The following URB2 variants were observed in gnomAD, a reference collection of about 807,000 sequenced individuals.
URB2 encodes unhealthy ribosome biogenesis protein 2 homolog.
A neutral mutation model predicts 120.9 loss-of-function variants in URB2; 86 were observed. The ratio of observed to expected loss-of-function variants is 0.71; its 90% CI spans 0.60 to 0.85. URB2 has a LOEUF of 0.85. Ranked by LOEUF, URB2 falls within the 40% of genes least tolerant of loss-of-function variation. The pLI is 0.00. For synonymous variants in URB2, 755 were observed against 758.4 expected (o/e 1.00, Z 0.07); for missense variants, 1,765 against 1,836.5 (o/e 0.96, Z 0.71).
At chr1:229,628,698 C>G (rs540770984) in intron 2 of URB2, among the ~76,000 whole-genome samples, 3 of 152,110 alleles carry the variant, frequency 2.0e-5, no homozygotes, top group Non-Finnish European at 4.4e-5. Flanking sequence ...TAGAAATGGG[C>G]TAGGTACCAA....
intron 4 of URB2, among the ~76,000 whole-genome samples, chr1:229,639,220 A>C (rs1280187083): frequency 6.6e-6 from 1 of 152,094 alleles, no homozygotes; most frequent in Non-Finnish European, 1.5e-5. Context: ...ACCTGAGCCC[A>C]GGGAGGTCGG....
At position 229,654,468 on chromosome 1, in the gene URB2, G is replaced by A. The variant is rs946203705; in HGVS notation, c.4377+80G>A. 2.3e-5 allele frequency: 36 copies of A among 1,587,040 alleles called. 1 individual carries two copies. In the Admixed American group the frequency reaches 5.4e-4, roughly 24 times the overall value. On this transcript the variant is annotated intron_variant, in intron 9 of 9. Coordinates refer to ENST00000258243, the MANE Select transcript of URB2 (RefSeq NM_014777.4). ...GGGTTTCTCAACCAAAATGGCAAGC[G>A]GTGTTCTGGATCTGACAGTTCTCTG...
rs1666187826 is a variant in URB2 at position 229,647,766 on chromosome 1, TGA to T, written c.4149+18_4149+19del. Reference sequence around the variant, plus strand: ...TGTCACCCTAAGGTGAGAAGGAGGGTGAGAGTGGCAGGCAGCTTTTCCTCTGC... The same window carrying T: ...TGTCACCCTAAGGTGAGAAGGAGGGTGAGTGGCAGGCAGCTTTTCCTCTGC... On this transcript the variant is annotated intron_variant, in intron 7 of 9. Coordinates refer to ENST00000258243, the MANE Select transcript of URB2 (RefSeq NM_014777.4). 2 of 1,606,308 alleles carry T rather than the reference TGA, an allele frequency of 1.2e-6. No homozygotes were observed. Among genetic ancestry groups the T allele is most frequent in the Non-Finnish European group, 1.7e-6 (2 of 1,174,176 alleles).
At chr1:229,630,982 CAAAAAA>C (rs57940336) in intron 2 of URB2, among the ~76,000 whole-genome samples, 5 of 65,106 alleles carry the variant, frequency 7.7e-5, no homozygotes, top group South Asian at 7.2e-4. Context: ...AACTCCGTCT[CAAAAAA>C]AAAAAAAAAA....
chr1:229,652,031 A>T (rs1000225365), intron 8 of URB2, among the ~76,000 whole-genome samples: 1 of 152,018 alleles, frequency 6.6e-6, no homozygotes, highest in African/African-American at 2.4e-5. Flanking sequence ...AAAATACAAA[A>T]ATTAGCTGGG....
chr1:229,635,981 C>A lies in URB2; in HGVS notation c.1368C>A (p.Val456=). 1.2e-6 allele frequency: 2 copies of A among 1,614,070 alleles called. No homozygotes were observed. Among genetic ancestry groups the A allele is most frequent in the South Asian group, 1.1e-5 (1 of 91,076 alleles). ...CCCAGGAGGCGCTTATTCGTACTGT[C>A]TTCCAGACTTATGCCAAACTCCGAC... ...KKAQEALIRT[V]FQTYAKLRQV... Residue 456 remains valine, a synonymous_variant, in exon 4 of 10, where the codon GTC becomes GTA. Transcript: ENST00000258243.
chr1:229,659,423 T>C lies in URB2; in HGVS notation c.*126T>C, dbSNP rs1022969251. On this transcript the variant is annotated 3_prime_UTR_variant, in exon 10 of 10. Coordinates refer to ENST00000258243, the MANE Select transcript of URB2 (RefSeq NM_014777.4). ...AGTATTGGTATACATAGAAAATCCT[T>C]TGGGGTTTATGTAGTATATTTTGAT... is the stretch of plus-strand genomic sequence containing the variant. 5.8e-6 allele frequency: 6 copies of C among 1,026,342 alleles called. No homozygotes were observed. In the Admixed American group the frequency reaches 7.9e-5, roughly 14 times the overall value. 63.6% of individuals were successfully genotyped at this position (1,026,342 alleles called of 1,614,324 possible). A position where few individuals can be genotyped will look rare whatever the true frequency, so the allele number is the denominator to read the frequency against.
intron 2 of URB2, among the ~76,000 whole-genome samples, chr1:229,631,569 G>A (rs1348729087): frequency 6.6e-6 from 1 of 152,198 alleles, no homozygotes; most frequent in Non-Finnish European, 1.5e-5. Context: ...CCATTGTAGG[G>A]TTAGCTGGCC....
Position 229,632,264 on chromosome 1 carries a change from T to C in URB2, c.127-5T>C. ...ATTTTCAGTGTATGTGTCCTTCAAATTCAGGTGTTACTTGATTGGGCAAGA... is the reference window on the plus strand; with the variant it reads ...ATTTTCAGTGTATGTGTCCTTCAAACTCAGGTGTTACTTGATTGGGCAAGA... On this transcript the variant is annotated splice_region_variant and splice_polypyrimidine_tract_variant and intron_variant, in intron 2 of 9. Transcript: ENST00000258243. 1.3e-6 allele frequency: 2 copies of C among 1,541,698 alleles called. No homozygotes were observed. Among genetic ancestry groups the C allele is most frequent in the Non-Finnish European group, 1.7e-6 (2 of 1,154,002 alleles).
chr1:229,643,078 A>G (rs1318417874), intron 4 of URB2, among the ~76,000 whole-genome samples: 1 of 152,224 alleles, frequency 6.6e-6, no homozygotes, highest in Non-Finnish European at 1.5e-5. Context: ...TCATTAAGTG[A>G]AGTAGGTTAT....
Position 229,643,604 on chromosome 1 carries a change from G to A in URB2, c.3706G>A (p.Glu1236Lys), listed in dbSNP as rs1380362634. 6.2e-7 allele frequency: 1 copy of A among 1,614,234 alleles called. No homozygotes were observed. The highest frequency in any genetic ancestry group is 8.5e-7 in the Non-Finnish European group (1 of 1,180,048). Residue 1236 changes from glutamate to lysine, a missense_variant, in exon 5 of 10, where the codon GAG becomes AAG. Physicochemically the swap from Glu to Lys is moderately conservative, Grantham distance 56. Coordinates refer to ENST00000258243, the MANE Select transcript of URB2 (RefSeq NM_014777.4). ...GGGAGCCTTGTTCACCCAAATGTTAGAGGTTGGGACGACAGAGGACTTGAG... is the reference window on the plus strand; with the variant it reads ...GGGAGCCTTGTTCACCCAAATGTTAAAGGTTGGGACGACAGAGGACTTGAG... Reference protein sequence around the residue: ...HLGALFTQMLEVGTTEDLRLV... With the variant: ...HLGALFTQMLKVGTTEDLRLV...
At chr1:229,649,876 T>G (rs1019340476) in intron 7 of URB2, among the ~76,000 whole-genome samples, 1 of 152,182 alleles carries the variant, frequency 6.6e-6, no homozygotes, top group African/African-American at 2.4e-5. Context: ...AAAAGCTAGA[T>G]GATTTGTTCA....
At position 229,635,996 on chromosome 1, in the gene URB2, C is replaced by A. The variant is rs749473871; in HGVS notation, c.1383C>A (p.Ala461=). The A allele has an allele frequency of 1.9e-6, 3 of 1,613,806 alleles. No individual in the cohort carries two copies. Among genetic ancestry groups the A allele is most frequent in the Non-Finnish European group, 2.5e-6 (3 of 1,179,734 alleles). ...ALIRTVFQTY[A]KLRQVPRLFE... ...TTCGTACTGTCTTCCAGACTTATGC[C>A]AAACTCCGACAAGTGCCACGGTTGT... Residue 461 remains alanine (A), a synonymous_variant, in exon 4 of 10, where the codon GCC becomes GCA. Coordinates refer to ENST00000258243, the MANE Select transcript of URB2 (RefSeq NM_014777.4).
intron 7 of URB2, among the ~76,000 whole-genome samples, 161 bp downstream of exon 7, chr1:229,647,913 G>T (rs1558170469): frequency 6.6e-6 from 1 of 152,222 alleles, no homozygotes; most frequent in Non-Finnish European, 1.5e-5. Flanking sequence ...GAGCCAGGTG[G>T]TTTCTCAAGC....
At position 229,651,776 on chromosome 1, in the gene URB2, A is replaced by AACTGCCATAT. The variant is rs1666279529; in HGVS notation, c.4237+454_4237+455insACTGCCATAT. Among the ~76,000 whole-genome samples, 4 of 152,228 alleles carry AACTGCCATAT rather than the reference A, an allele frequency of 2.6e-5. 1 individual carries two copies. In the South Asian group the frequency reaches 8.3e-4, roughly 32 times the overall value. On this transcript the variant is annotated intron_variant, in intron 8 of 9. Transcript: ENST00000258243. ...CTTGGCAAGGGTGTGTTTGTTTACT[A>AACTGCCATAT]GGGAAACACTAACTGCCATATGGCA...
intron 9 of URB2, among the ~76,000 whole-genome samples, chr1:229,656,424 C>A (rs1034166792): frequency 3.3e-5 from 5 of 152,146 alleles, no homozygotes; most frequent in African/African-American, 1.2e-4. Context: ...TATTTTTAAT[C>A]TTGAAAGCCA....
At chr1:229,639,081 G>A (rs1254437173) in intron 4 of URB2, among the ~76,000 whole-genome samples, 1 of 152,156 alleles carries the variant, frequency 6.6e-6, no homozygotes, top group Non-Finnish European at 1.5e-5. Flanking sequence ...TTGGGAGGCT[G>A]AGGGGGCAGA....
intron 9 of URB2, among the ~76,000 whole-genome samples, chr1:229,656,064 G>T (rs142051780): frequency 1.0e-3 from 155 of 152,312 alleles, no homozygotes; most frequent in African/African-American, 3.3e-3. Flanking sequence ...CCCACACCTG[G>T]TAAGTGTTGT....
chr1:229,636,629 T>C lies in URB2; in HGVS notation c.2016T>C (p.Tyr672=). The part of the protein sequence containing the change: ...FTAQFSSLGT[Y]CLEQLYLQKM... ...CTCAGTTCAGCTCTCTTGGTACATA[T>C]TGCTTAGAACAGCTGTACCTGCAGA... is the stretch of plus-strand genomic sequence containing the variant. Residue 672 remains tyrosine, a synonymous_variant, in exon 4 of 10, where the codon TAT becomes TAC. Transcript: ENST00000258243. The C allele has an allele frequency of 6.2e-7, 1 of 1,614,226 alleles. No individual in the cohort carries two copies. Among genetic ancestry groups the C allele is most frequent in the East Asian group, 2.2e-5 (1 of 44,888 alleles).
Sources: allele counts gnomAD v4.1 joint callset (sites outside exome capture counted in the v4.1 genomes callset), GRCh38; gene constraint gnomAD v4.1.1; transcripts MANE v1.5; gene names NCBI Gene and HGNC (gene_info 2026-07-23, HGNC 2026-07-21).